The following ADAMTS9 variants were observed in gnomAD, a reference collection of about 807,000 sequenced individuals.
ADAMTS9 encodes A disintegrin and metalloproteinase with thrombospondin motifs 9.
In ADAMTS9, 107 loss-of-function variants were observed where a neutral mutation model predicts 257.1. That is an observed-to-expected ratio of 0.42 (90% CI 0.36 to 0.49). The LOEUF (loss-of-function observed/expected upper bound fraction) is 0.49. Ranked by LOEUF, ADAMTS9 falls within the 20% of genes least tolerant of loss-of-function variation. The pLI, the probability that ADAMTS9 is intolerant of heterozygous loss-of-function variation, is 0.03. For synonymous variants in ADAMTS9, 982 were observed against 880.9 expected (o/e 1.11, Z -2.03); for missense variants, 2,353 against 2,469.1 (o/e 0.95, Z 1.00).
chr3:64,637,081 C>T (rs1442564745), intron 12 of ADAMTS9, among the ~76,000 whole-genome samples: 7 of 152,100 alleles, frequency 4.6e-5, no homozygotes, highest in Non-Finnish European at 8.8e-5. Flanking sequence ...TATGTAAAGG[C>T]AGGTTACAAT....
chr3:64,664,581 G>A (rs930438284), intron 3 of ADAMTS9, among the ~76,000 whole-genome samples: 7 of 152,178 alleles, frequency 4.6e-5, no homozygotes, highest in South Asian at 2.1e-4. Flanking sequence ...TTCAAGGTTC[G>A]TCTATGTTGT....
At position 64,524,628 on chromosome 3, in the gene ADAMTS9, T is replaced by A. The variant is rs2082887817; in HGVS notation, c.5719-2368A>T. On this transcript the variant is annotated intron_variant, in intron 38 of 39. Coordinates refer to ENST00000498707, the MANE Select transcript of ADAMTS9 (RefSeq NM_182920.2). ...AGTTATTATGATTGTATTTTGAATT[T>A]GACCAATAAAAAAATTTTGTGCAAA... is the stretch of plus-strand genomic sequence containing the variant. Among the ~76,000 whole-genome samples, 4 of 152,236 alleles carry A rather than the reference T, an allele frequency of 2.6e-5. No individual in the cohort carries two copies. In the South Asian group the frequency reaches 8.3e-4, roughly 32 times the overall value.
At position 64,655,705 on chromosome 3, in the gene ADAMTS9, A is replaced by G. The variant is rs756899378; in HGVS notation, c.1054-14T>C. 1 of 1,608,918 alleles carries G rather than the reference A, an allele frequency of 6.2e-7. No homozygotes were observed. Among genetic ancestry groups the G allele is most frequent in the South Asian group, 1.1e-5 (1 of 90,960 alleles). On this transcript the variant is annotated splice_polypyrimidine_tract_variant and intron_variant, in intron 5 of 39. Coordinates refer to ENST00000498707, the MANE Select transcript of ADAMTS9 (RefSeq NM_182920.2). ...GGAAGGCCCATCCTAAATACAGAGAAGAATTATGGTTAATCTGTTGTACCG... is the reference window on the plus strand; with the variant it reads ...GGAAGGCCCATCCTAAATACAGAGAGGAATTATGGTTAATCTGTTGTACCG...
rs777685172 is a variant in ADAMTS9, at chr3:64,687,529, C to G, written c.115+14G>C. 1.5e-5 allele frequency: 23 copies of G among 1,519,790 alleles called. No individual in the cohort carries two copies. The South Asian group carries it at 2.7e-4, about 18-fold the overall frequency. The allele number at this position is 1,519,790 out of a possible 1,614,324, so 94.1% of individuals were successfully genotyped here. Reference sequence around the variant, plus strand: ...TCGGGGCCGGCGGGGTCCCGGGGGCCGGAGCCTGGTTACCTTGCCTCGGGT... The same window carrying G: ...TCGGGGCCGGCGGGGTCCCGGGGGCGGGAGCCTGGTTACCTTGCCTCGGGT... On this transcript the variant is annotated intron_variant, in intron 1 of 39. Coordinates refer to ENST00000498707, the MANE Select transcript of ADAMTS9 (RefSeq NM_182920.2). The surrounding 1 kb of genome is among the most constrained non-coding windows in gnomAD (Gnocchi z 4.4).
chr3:64,616,929 AC>A (rs1699955910), intron 19 of ADAMTS9, among the ~76,000 whole-genome samples: 1 of 152,136 alleles, frequency 6.6e-6, no homozygotes, highest in African/African-American at 2.4e-5. Context: ...TTCCATGTGT[AC>A]CTGTCCAGGG....
rs78997424 is a variant in ADAMTS9 at position 64,633,942 on chromosome 3, C to A, written c.1857-63G>T. On this transcript the variant is annotated intron_variant, in intron 12 of 39. Transcript: ENST00000498707. ...TTATCATGTATTCCTCTGAACATCA[C>A]TCCTTCATTCATGACTTCCTGTCTT... The A allele has an allele frequency of 1.6e-4, 223 of 1,414,612 alleles. 1 individual carries two copies. The African/African-American group carries it at 2.7e-3, about 17-fold the overall frequency. The allele number at this position is 1,414,612 out of a possible 1,614,324, so 87.6% of individuals were successfully genotyped here.
At chr3:64,603,868 T>G (rs2106814285) in intron 25 of ADAMTS9, 54 bp downstream of exon 25, 1 of 1,595,364 alleles carries the variant, frequency 6.3e-7, no homozygotes, top group Middle Eastern at 1.7e-4. Flanking sequence ...TGACTCCTCA[T>G]AGCCCTCAAT....
At chr3:64,589,812 A>G (rs1248840422) in intron 28 of ADAMTS9, 1 of 152,138 alleles carries the variant, frequency 6.6e-6, no homozygotes, top group Non-Finnish European at 1.5e-5. Flanking sequence ...GAAACTTCCA[A>G]GGTAGTTGTT....
chr3:64,686,110 A>G lies in ADAMTS9; in HGVS notation c.516+458T>C, dbSNP rs1701898812. Among the ~76,000 whole-genome samples the G allele has an allele frequency of 1.3e-5, 2 of 152,206 alleles. No individual in the cohort carries two copies. The highest frequency in any genetic ancestry group is 1.3e-4 in the Admixed American group (2 of 15,284). On this transcript the variant is annotated intron_variant, in intron 2 of 39. Coordinates refer to ENST00000498707, the MANE Select transcript of ADAMTS9 (RefSeq NM_182920.2). The surrounding 1 kb of genome is among the most constrained non-coding windows in gnomAD (Gnocchi z 4.6). ...CACCGCCCTCCACAACACACACTGA[A>G]GGAACTCCCAGTGCCTTGGGCAGGG...
chr3:64,658,683 G>A lies in ADAMTS9; in HGVS notation c.788C>T (p.Thr263Ile). The change falls in exon 4 of 40, where the codon ACA becomes ATA. Residue 263 changes from threonine (T) to isoleucine (I), a missense_variant. Around this residue, in one of 3 missense-constraint regions of ADAMTS9, gnomAD observed 591 missense variants for 569.6 expected, o/e 1.04. Transcript: ENST00000498707. ...DVAALNSGLA[T>I]EAFSAYGNKT... ...ATTACCATAAGCAGAAAATGCCTCT[G>A]TTGCTAAGCCGCTGTTTAATGCTGC... 1.2e-6 allele frequency: 2 copies of A among 1,614,032 alleles called. No homozygotes were observed. Among genetic ancestry groups the A allele is most frequent in the Non-Finnish European group, 1.7e-6 (2 of 1,179,994 alleles).
At chr3:64,571,922 C>T (rs1412426816) in intron 28 of ADAMTS9, among the ~76,000 whole-genome samples, 1 of 152,174 alleles carries the variant, frequency 6.6e-6, no homozygotes, top group African/African-American at 2.4e-5. Flanking sequence ...CAGGCACTGA[C>T]TTTTACATCA....
Position 64,654,600 on chromosome 3 carries a change from G to A in ADAMTS9, c.1182C>T (p.Cys394=). The part of the protein sequence containing the change: ...TAVLLTRQDI[C]RAHDKCDTLG... ...AGGTATCACATTTGTCGTGAGCTCTGCAGATATCCTGTCTGAAAGCAAAGC... is the reference window on the plus strand; with the variant it reads ...AGGTATCACATTTGTCGTGAGCTCTACAGATATCCTGTCTGAAAGCAAAGC... Residue 394 remains cysteine, a synonymous_variant, in exon 7 of 40, where the codon TGC becomes TGT. Coordinates refer to ENST00000498707, the MANE Select transcript of ADAMTS9 (RefSeq NM_182920.2). The A allele has an allele frequency of 1.2e-6, 2 of 1,614,144 alleles. No homozygotes were observed. Among genetic ancestry groups the A allele is most frequent in the Non-Finnish European group, 1.7e-6 (2 of 1,180,016 alleles).
At chr3:64,535,061 G>T (rs1274815923) in intron 37 of ADAMTS9, among the ~76,000 whole-genome samples, 1 of 152,156 alleles carries the variant, frequency 6.6e-6, no homozygotes, top group Non-Finnish European at 1.5e-5. Flanking sequence ...CGCATTACCT[G>T]GCAGACAGTA....
At chr3:64,619,125 C>T (rs139527972) in intron 19 of ADAMTS9, among the ~76,000 whole-genome samples, 127 of 152,248 alleles carry the variant, frequency 8.3e-4, no homozygotes, top group East Asian at 4.4e-3. Context: ...TTCTATTATT[C>T]GCAATGCTAT....
At chr3:64,681,807 T>C (rs1701764827) in intron 2 of ADAMTS9, among the ~76,000 whole-genome samples, 1 of 152,194 alleles carries the variant, frequency 6.6e-6, no homozygotes. Context: ...CAGTAACTTA[T>C]TCTTGATTTG....
chr3:64,639,545 A>C (rs1700587797), intron 12 of ADAMTS9, among the ~76,000 whole-genome samples: 1 of 138,468 alleles, frequency 7.2e-6, no homozygotes, highest in South Asian at 2.3e-4. Context: ...AGAATTGCTC[A>C]AGACTTAACA....
Position 64,687,044 on chromosome 3 carries a change from CT to C in ADAMTS9, c.116-77del. 6.6e-7 allele frequency: 1 copy of C among 1,515,564 alleles called. No homozygotes were observed. The highest frequency in any genetic ancestry group is 8.9e-7 in the Non-Finnish European group (1 of 1,123,334). The allele number at this position is 1,515,564 out of a possible 1,614,324, so 93.9% of individuals were successfully genotyped here. On this transcript the variant is annotated intron_variant, in intron 1 of 39. Coordinates refer to ENST00000498707, the MANE Select transcript of ADAMTS9 (RefSeq NM_182920.2). This position sits in a 1 kb window ranked among gnomAD's most constrained non-coding sequence, Gnocchi z 4.4. ...CTTTAATTTAAAACGAAGGTGGGGA[CT>C]TTGTTCTGACCTTATTTTCCAGCCC...
At chr3:64,608,702 A>T (rs2084610307) in intron 22 of ADAMTS9, among the ~76,000 whole-genome samples, 2 of 152,110 alleles carry the variant, frequency 1.3e-5, no homozygotes, top group Admixed American at 6.6e-5. Context: ...CCAAACATTT[A>T]AATAAACATT....
chr3:64,652,419 C>T (rs964665670), intron 8 of ADAMTS9, among the ~76,000 whole-genome samples: 20 of 152,152 alleles, frequency 1.3e-4, no homozygotes, highest in African/African-American at 4.8e-4. Context: ...AGAACGAATG[C>T]CTTGGTTTCC....
Sources: allele counts gnomAD v4.1 joint callset (sites outside exome capture counted in the v4.1 genomes callset), GRCh38; gene constraint gnomAD v4.1.1; regional missense constraint gnomAD v4.1.1; non-coding constraint Gnocchi (gnomAD v3.1); transcripts MANE v1.5; gene names NCBI Gene and HGNC (gene_info 2026-07-23, HGNC 2026-07-21).